The following AQR variants were observed in gnomAD, a reference collection of about 807,000 sequenced individuals.
AQR encodes the protein RNA helicase aquarius.
Under a neutral mutation model 180.5 loss-of-function variants are expected in AQR, and 61 were observed. The ratio of observed to expected loss-of-function variants is 0.34; its 90% CI spans 0.28 to 0.42. AQR has a LOEUF of 0.42. AQR is among the 10% of genes least tolerant of loss of function. The pLI is 1.00. For missense variants in AQR, 1,281 were observed against 1,798.3 expected (o/e 0.71, Z 5.20); for synonymous variants, 551 against 588.8 (o/e 0.94, Z 0.93).
At chr15:34,899,337 C>A (rs1049584048) in intron 20 of AQR, among the ~76,000 whole-genome samples, 7 of 151,938 alleles carry the variant, frequency 4.6e-5, no homozygotes, top group African/African-American at 1.7e-4. Flanking sequence ...TGGAGGGAGA[C>A]TAGGTTTGGG....
intron 14 of AQR, among the ~76,000 whole-genome samples, chr15:34,919,889 C>G (rs1436616859): frequency 6.6e-6 from 1 of 151,694 alleles, no homozygotes; most frequent in Non-Finnish European, 1.5e-5. Flanking sequence ...CAGAGAGAGA[C>G]TCGGTATCAA....
rs1893561207 is a variant in AQR, at chr15:34,915,163, G to C, written c.1359C>G (p.Pro453=). The C allele has an allele frequency of 3.1e-6, 5 of 1,596,834 alleles. No individual in the cohort carries two copies. Among genetic ancestry groups the C allele is most frequent in the Non-Finnish European group, 3.4e-6 (4 of 1,175,156 alleles). Residue 453 remains proline, a synonymous_variant, in exon 16 of 35, where the codon CCC becomes CCG. Transcript: ENST00000156471. Reference sequence around the variant, plus strand: ...GAGTCAAAAACTGCAAATTCAATTTGGGAAGAGCAAGACAACCTGAAAAGG... The same window carrying C: ...GAGTCAAAAACTGCAAATTCAATTTCGGAAGAGCAAGACAACCTGAAAAGG... ...YYSGEGCLAL[P]KLNLQFLTLH... is the part of the protein sequence containing the mutation.
chr15:34,964,425 C>T, intron 1 of AQR, 135 bp from the exon 2 acceptor site: 1 of 746,878 alleles, frequency 1.3e-6, no homozygotes, highest in Non-Finnish European at 2.4e-6. Flanking sequence ...TCTGAAGGCA[C>T]TACACAGGCA....
rs1447660853 is a variant in AQR, at chr15:34,958,454, T to C, written c.173+2320A>G. Among the ~76,000 whole-genome samples, 3 of 152,092 alleles carry C rather than the reference T, an allele frequency of 2.0e-5. No homozygotes were observed. In the East Asian group the frequency reaches 5.8e-4, roughly 29 times the overall value. The stretch of plus-strand genomic sequence containing the variant: ...TCACTTGAGCCCAGGAGGCAGAGGT[T>C]GCAATGAGCTGAGATCACACCACTG... On this transcript the variant is annotated intron_variant, in intron 3 of 34. Transcript: ENST00000156471.
At position 34,918,227 on chromosome 15, in the gene AQR, G is replaced by A. The variant is rs200798026; in HGVS notation, c.1342+31C>T. On this transcript the variant is annotated intron_variant, in intron 15 of 34. Transcript: ENST00000156471. ...ATGATAAATCTGAAATTGTTTCATT[G>A]TACAGCTGAATCCATACTTCTTTAC... 312 of 1,604,908 alleles carry A rather than the reference G, an allele frequency of 1.9e-4. 1 individual carries two copies. In the Admixed American group the frequency reaches 3.1e-3, roughly 16 times the overall value.
intron 32 of AQR, among the ~76,000 whole-genome samples, chr15:34,867,002 TATA>T (rs1448388618): frequency 2.0e-5 from 3 of 152,134 alleles, no homozygotes; most frequent in African/African-American, 4.8e-5. Context: ...ATGGATGCTT[TATA>T]ATAAGAAGAT....
chr15:34,906,145 C>A (rs542604198), intron 18 of AQR, among the ~76,000 whole-genome samples: 1 of 151,600 alleles, frequency 6.6e-6, no homozygotes, highest in Non-Finnish European at 1.5e-5. Flanking sequence ...TTTGGGAGGC[C>A]GAGGCAAGTG....
At chr15:34,908,328 T>A (rs937311317) in intron 17 of AQR, among the ~76,000 whole-genome samples, 1 of 151,878 alleles carries the variant, frequency 6.6e-6, no homozygotes, top group Non-Finnish European at 1.5e-5. Flanking sequence ...TCCCAGCTAC[T>A]CGGGAGGCTG....
intron 5 of AQR, among the ~76,000 whole-genome samples, chr15:34,947,678 T>C (rs1894151823): frequency 2.0e-5 from 3 of 152,194 alleles, no homozygotes; most frequent in Admixed American, 2.0e-4. Context: ...CTCGCTCTGT[T>C]ACCCAGGCTG....
At chr15:34,922,783 C>A (rs1272792407) in intron 13 of AQR, among the ~76,000 whole-genome samples, 1 of 151,800 alleles carries the variant, frequency 6.6e-6, no homozygotes, top group East Asian at 1.9e-4. Flanking sequence ...GCTGGAATCA[C>A]AGACGTGAAC....
rs754982729 is a variant in AQR, at chr15:34,940,525, C to T, written c.641+374G>A. Among the ~76,000 whole-genome samples the T allele has an allele frequency of 4.0e-5, 6 of 151,396 alleles. No homozygotes were observed. The South Asian group carries it at 6.3e-4, about 16-fold the overall frequency. On this transcript the variant is annotated intron_variant, in intron 8 of 34. Coordinates refer to ENST00000156471, the MANE Select transcript of AQR (RefSeq NM_014691.3). Reference sequence around the variant, plus strand: ...AGCCTGGGCAACAAGAGCGAAACTCCGTCTCAAAAAAATAAAAAAAGAGTG... The same window carrying T: ...AGCCTGGGCAACAAGAGCGAAACTCTGTCTCAAAAAAATAAAAAAAGAGTG...
chr15:34,893,776 A>G lies in AQR; in HGVS notation c.2461-3T>C, dbSNP rs1234278905. On this transcript the variant is annotated splice_region_variant and splice_polypyrimidine_tract_variant and intron_variant, in intron 22 of 34. Coordinates refer to ENST00000156471, the MANE Select transcript of AQR (RefSeq NM_014691.3). ...CCTGTACCAGGTGGGCCCACAACCT[A>G]AAAAGAAGATGAACACATAGCAAAC... The G allele has an allele frequency of 6.2e-7, 1 of 1,613,244 alleles. No homozygotes were observed. Among genetic ancestry groups the G allele is most frequent in the East Asian group, 2.2e-5 (1 of 44,884 alleles).
chr15:34,925,495 G>A (rs1485116924), intron 13 of AQR, among the ~76,000 whole-genome samples: 1 of 152,190 alleles, frequency 6.6e-6, no homozygotes, highest in Non-Finnish European at 1.5e-5. Flanking sequence ...AGTACGAAAA[G>A]GATGCTCATT....
rs374080179 is a variant in AQR, at chr15:34,899,127, G to A, written c.2244-1422C>T. ...GGAGCTTGCAGTGAGCAGAGACGGC[G>A]CGCCACTGCACTCCAGCCTGGGCGA... On this transcript the variant is annotated intron_variant, in intron 20 of 34. Transcript: ENST00000156471. 4.0e-5 allele frequency among the ~76,000 whole-genome samples: 6 copies of A among 151,880 alleles called. No homozygotes were observed. The East Asian group carries it at 5.8e-4, about 15-fold the overall frequency.
chr15:34,869,815 T>C (rs1472414459), intron 31 of AQR: 1 of 152,218 alleles, frequency 6.6e-6, no homozygotes, highest in Non-Finnish European at 1.5e-5. Flanking sequence ...GCTTTGTAGC[T>C]TTTCCTCAAA....
At chr15:34,963,098 G>C (rs781099689) in intron 2 of AQR, among the ~76,000 whole-genome samples, 8 of 152,106 alleles carry the variant, frequency 5.3e-5, no homozygotes, top group Non-Finnish European at 1.0e-4. Flanking sequence ...TCCCGCTTCA[G>C]CTTCCAGAGC....
At chr15:34,968,381 T>G (rs549044361) in intron 1 of AQR, among the ~76,000 whole-genome samples, 55 of 151,548 alleles carry the variant, frequency 3.6e-4, no homozygotes, top group African/African-American at 1.3e-3. Flanking sequence ...GCCTCCCGAG[T>G]AGCTGGGACC....
intron 22 of AQR, among the ~76,000 whole-genome samples, chr15:34,894,243 C>A (rs1893196957): frequency 6.6e-6 from 1 of 151,880 alleles, no homozygotes; most frequent in African/African-American, 2.4e-5. Context: ...AAAAAAAAGT[C>A]CTGATAGCAA....
chr15:34,958,839 T>A (rs909441138), intron 3 of AQR, among the ~76,000 whole-genome samples: 7 of 152,196 alleles, frequency 4.6e-5, no homozygotes, highest in Non-Finnish European at 1.0e-4. Flanking sequence ...GACCATATGT[T>A]ACAAATCTGC....
Sources: gnomAD v4.1 joint callset for allele counts (sites outside exome capture counted in the v4.1 genomes callset) on GRCh38, gnomAD v4.1.1 for gene constraint, MANE v1.5 for transcripts, NCBI Gene and HGNC (gene_info 2026-07-23, HGNC 2026-07-21) for gene names.